RASAL2: variants seen among roughly 807,000 people sequenced by gnomAD.
RASAL2 encodes the protein RAS protein activator like 2, also known as ras GTPase-activating protein nGAP.
A neutral mutation model predicts 128.9 loss-of-function variants in RASAL2; 58 were observed. That is an observed-to-expected ratio of 0.45 (90% CI 0.36 to 0.56). The LOEUF (loss-of-function observed/expected upper bound fraction) is 0.56, where lower values mean the gene tolerates loss of function less well. Ranked by LOEUF, RASAL2 falls within the 20% of genes least tolerant of loss-of-function variation. RASAL2 has a pLI of 0.00. For missense variants in RASAL2, 1,360 were observed against 1,601.6 expected (o/e 0.85, Z 2.57); for synonymous variants, 561 against 580.8 (o/e 0.97, Z 0.49).
chr1:178,094,710 C>T lies in RASAL2; in HGVS notation c.202+16C>T, dbSNP rs975464298. ...CGGGTGTACGGTAAGGACCACAGGC[C>T]GTCTTAGAGGCTGGTGTTTCCTATT... On this transcript the variant is annotated intron_variant, in intron 1 of 17. Transcript: ENST00000367649. 2 of 1,613,506 alleles carry T rather than the reference C, an allele frequency of 1.2e-6. No individual in the cohort carries two copies. Among genetic ancestry groups the T allele is most frequent in the Non-Finnish European group, 1.7e-6 (2 of 1,179,712 alleles).
chr1:178,469,127 C>A (rs1262232582), intron 17 of RASAL2, among the ~76,000 whole-genome samples: 1 of 151,964 alleles, frequency 6.6e-6, no homozygotes, highest in Non-Finnish European at 1.5e-5. Context: ...GTGAGACCCA[C>A]CTCTACAAAA....
At chr1:178,140,099 T>C (rs983544029) in intron 1 of RASAL2, among the ~76,000 whole-genome samples, 2 of 152,216 alleles carry the variant, frequency 1.3e-5, no homozygotes, top group African/African-American at 2.4e-5. Flanking sequence ...GTTTAAAATT[T>C]GAATCACTGT....
At chr1:178,406,542 A>G (rs994807570) in intron 4 of RASAL2, among the ~76,000 whole-genome samples, 14 of 152,292 alleles carry the variant, frequency 9.2e-5, no homozygotes, top group African/African-American at 3.4e-4. Context: ...TGTACATTGA[A>G]AAATATTGAC....
intron 1 of RASAL2, among the ~76,000 whole-genome samples, chr1:178,098,725 C>T (rs1658784355): frequency 6.6e-6 from 1 of 152,090 alleles, no homozygotes; most frequent in African/African-American, 2.4e-5. Flanking sequence ...TTAATATTAT[C>T]AGAAGGAATT....
Position 178,475,144 on chromosome 1 carries a change from A to G in RASAL2, c.*1905A>G, listed in dbSNP as rs1007612823. On this transcript the variant is annotated 3_prime_UTR_variant, in exon 18 of 18. Coordinates refer to ENST00000367649, the MANE Select transcript of RASAL2 (RefSeq NM_170692.4). The stretch of plus-strand genomic sequence containing the variant: ...TTCAGCAACCTCACCATGGCCACAT[A>G]ACCCACAACCTTTTAAAACAGTTTC... 4 of 152,216 alleles carry G rather than the reference A, an allele frequency of 2.6e-5. No individual in the cohort carries two copies. The highest frequency in any genetic ancestry group is 5.9e-5 in the Non-Finnish European group (4 of 68,050). 9.4% of individuals were successfully genotyped at this position (152,216 alleles called of 1,614,324 possible).
chr1:178,164,470 A>T (rs950970145), intron 1 of RASAL2, among the ~76,000 whole-genome samples: 4 of 148,342 alleles, frequency 2.7e-5, no homozygotes, highest in Non-Finnish European at 4.5e-5. Flanking sequence ...AATTACAATG[A>T]TAATTAGCAT....
intron 1 of RASAL2, among the ~76,000 whole-genome samples, chr1:178,206,696 A>G (rs914369348): frequency 2.6e-5 from 4 of 152,172 alleles, no homozygotes; most frequent in Admixed American, 1.3e-4. Flanking sequence ...TTAACAATAT[A>G]CCTGAGAAAA....
intron 1 of RASAL2, among the ~76,000 whole-genome samples, chr1:178,102,568 T>C (rs1179974921): frequency 3.9e-5 from 6 of 152,184 alleles, no homozygotes; most frequent in Non-Finnish European, 8.8e-5. Flanking sequence ...TTCCAGTCTT[T>C]TTTGTGTACA....
At chr1:178,187,933 T>C (rs1324584027) in intron 1 of RASAL2, among the ~76,000 whole-genome samples, 2 of 152,084 alleles carry the variant, frequency 1.3e-5, no homozygotes, top group Non-Finnish European at 2.9e-5. Flanking sequence ...TGCTTTTTTT[T>C]CTAGGACTAA....
intron 3 of RASAL2, among the ~76,000 whole-genome samples, chr1:178,307,110 AT>A (rs1668030624): frequency 6.6e-6 from 1 of 152,004 alleles, no homozygotes; most frequent in Non-Finnish European, 1.5e-5. Flanking sequence ...TCATTATTTC[AT>A]TTTTTAAAAA....
chr1:178,396,825 G>T, intron 4 of RASAL2, among the ~76,000 whole-genome samples: 1 of 120,258 alleles, frequency 8.3e-6, no homozygotes, highest in African/African-American at 3.9e-5. Flanking sequence ...TGAGTGGCTG[G>T]TAAAAAAAAA....
At chr1:178,310,502 T>A (rs1668189878) in intron 3 of RASAL2, among the ~76,000 whole-genome samples, 1 of 152,222 alleles carries the variant, frequency 6.6e-6, no homozygotes, top group Non-Finnish European at 1.5e-5. Flanking sequence ...GTTCTCAAGC[T>A]AACCTACTAA....
chr1:178,125,225 G>C (rs1023615111), intron 1 of RASAL2: 1 of 152,066 alleles, frequency 6.6e-6, no homozygotes, highest in Non-Finnish European at 1.5e-5. Flanking sequence ...GATCATTTTT[G>C]CTTTATATTT....
intron 1 of RASAL2, among the ~76,000 whole-genome samples, chr1:178,221,577 T>C (rs1370073590): frequency 6.6e-6 from 1 of 152,202 alleles, no homozygotes; most frequent in African/African-American, 2.4e-5. Flanking sequence ...ATCAGCTGTC[T>C]TTGTGTTATT....
chr1:178,411,975 G>T, intron 4 of RASAL2: 1 of 567,054 alleles, frequency 1.8e-6, no homozygotes. Context: ...CCTCTTGACG[G>T]CACCCACAGG....
intron 3 of RASAL2, among the ~76,000 whole-genome samples, chr1:178,319,780 T>G (rs1571849856): frequency 6.6e-6 from 1 of 152,324 alleles, no homozygotes; most frequent in African/African-American, 2.4e-5. Flanking sequence ...GTCTGAAGCC[T>G]TCTTCTCTCA....
chr1:178,377,542 A>G (rs1672055695), intron 3 of RASAL2, among the ~76,000 whole-genome samples: 1 of 152,190 alleles, frequency 6.6e-6, no homozygotes, highest in Non-Finnish European at 1.5e-5. Context: ...CTAACAAAGT[A>G]AAGAATTAGA....
At chr1:178,176,739 G>A (rs1036295331) in intron 1 of RASAL2, among the ~76,000 whole-genome samples, 3 of 151,672 alleles carry the variant, frequency 2.0e-5, no homozygotes, top group African/African-American at 7.3e-5. Flanking sequence ...TCAAACTCCC[G>A]TGCTCAAGTG....
chr1:178,367,055 G>C (rs115180174), intron 3 of RASAL2, among the ~76,000 whole-genome samples: 3,579 of 152,256 alleles, frequency 0.024, 63 homozygotes, highest in Middle Eastern at 0.058. Context: ...GAATTTTATA[G>C]TATGTGAATT....
Sources: allele counts gnomAD v4.1 joint callset (sites outside exome capture counted in the v4.1 genomes callset), GRCh38; gene constraint gnomAD v4.1.1; transcripts MANE v1.5; gene names NCBI Gene and HGNC (gene_info 2026-07-23, HGNC 2026-07-21).